The following CRTAC1 variants were observed in gnomAD, a reference collection of about 807,000 sequenced individuals.
CRTAC1 encodes acidic secreted protein in cartilage.
CRTAC1 carries 37 observed loss-of-function variants against 67.8 expected under a neutral mutation model. The observed-to-expected ratio is 0.55, with a 90% CI of 0.42 to 0.72. The LOEUF (loss-of-function observed/expected upper bound fraction) is 0.72. CRTAC1 is among the 30% of genes least tolerant of loss of function. CRTAC1 has a pLI of 0.00. For missense variants in CRTAC1, 780 were observed against 931.6 expected, an observed-to-expected ratio of 0.84 and a Z score of 2.12; for synonymous variants, 348 against 371.0, an observed-to-expected ratio of 0.94 and a Z score of 0.71.
At chr10:97,909,174 G>T (rs1391069423) in intron 5 of CRTAC1, among the ~76,000 whole-genome samples, 1 of 152,148 alleles carries the variant, frequency 6.6e-6, no homozygotes, top group Non-Finnish European at 1.5e-5. Context: ...ACGTCAAGAA[G>T]TCTAACCTTA....
intron 14 of CRTAC1, among the ~76,000 whole-genome samples, chr10:97,879,049 C>T (rs901228556): frequency 3.9e-5 from 6 of 152,154 alleles, no homozygotes; most frequent in Non-Finnish European, 8.8e-5. Flanking sequence ...TTCAGCATTC[C>T]AATCAGTTCT....
rs112962484 is a variant in CRTAC1 at position 97,897,369 on chromosome 10, C to T, written c.1134-378G>A. Among the ~76,000 whole-genome samples, 1,003 of 152,304 alleles carry T rather than the reference C, an allele frequency of 6.6e-3. 17 individuals carry two copies. Among genetic ancestry groups the T allele is most frequent in the African/African-American group, 0.023 (958 of 41,568 alleles). On this transcript the variant is annotated intron_variant, in intron 8 of 14. Coordinates refer to ENST00000370597, the MANE Select transcript of CRTAC1 (RefSeq NM_018058.7). ...ACCCAGGGTTTAACCCCACTCAATG[C>T]TACCTCCTCCATGCCCTCTTGGACC...
intron 2 of CRTAC1, among the ~76,000 whole-genome samples, chr10:97,987,969 CT>C (rs2052011533): frequency 1.3e-5 from 2 of 152,198 alleles, no homozygotes; most frequent in East Asian, 3.9e-4. Context: ...TTGGAACTTT[CT>C]CTCTGGTGGT....
At chr10:97,927,849 GC>G (rs994895391) in intron 3 of CRTAC1, among the ~76,000 whole-genome samples, 3 of 152,168 alleles carry the variant, frequency 2.0e-5, no homozygotes, top group Admixed American at 2.0e-4. Flanking sequence ...AGCGAGCTGT[GC>G]GGGTCGATGG....
At chr10:97,988,829 T>C (rs1003332084) in intron 2 of CRTAC1, among the ~76,000 whole-genome samples, 10 of 152,228 alleles carry the variant, frequency 6.6e-5, no homozygotes, top group African/African-American at 2.4e-4. Flanking sequence ...TTAACTATTG[T>C]GATGGTCAGT....
Position 98,030,468 on chromosome 10 carries a change from GCCATCCTCCCGCTCTCGGCCC to G in CRTAC1, c.-17_4del. The G allele has an allele frequency of 8.0e-7, 1 of 1,249,038 alleles. No individual in the cohort carries two copies. Among genetic ancestry groups the G allele is most frequent in the Non-Finnish European group, 1.0e-6 (1 of 988,862 alleles). The allele number at this position is 1,249,038 out of a possible 1,614,324, so 77.4% of individuals were successfully genotyped here. On this transcript the variant is annotated start_lost and 5_prime_UTR_variant, in exon 1 of 15. Coordinates refer to ENST00000370597, the MANE Select transcript of CRTAC1 (RefSeq NM_018058.7). This position sits in a 1 kb window ranked among gnomAD's most constrained non-coding sequence, Gnocchi z 4.2. ...ACTCACGCCGGGGTCAGCGCTCGGA[GCCATCCTCCCGCTCTCGGCCC>G]CGCCGCCTAGGGGCGTGGGAAGCGG...
chr10:97,930,763 C>T (rs1440816722), intron 3 of CRTAC1, among the ~76,000 whole-genome samples: 8 of 152,106 alleles, frequency 5.3e-5, no homozygotes, highest in Non-Finnish European at 8.8e-5. Context: ...TTCTCTCTAG[C>T]GTGGTGACTG....
chr10:97,927,061 C>G (rs887781333), intron 3 of CRTAC1, among the ~76,000 whole-genome samples: 1 of 152,186 alleles, frequency 6.6e-6, no homozygotes, highest in African/African-American at 2.4e-5. Context: ...GGTGTGGCAG[C>G]TGGGGTTCTG....
At chr10:97,918,572 G>C (rs756815299) in intron 4 of CRTAC1, among the ~76,000 whole-genome samples, 9 of 152,174 alleles carry the variant, frequency 5.9e-5, no homozygotes, top group Non-Finnish European at 1.3e-4. Flanking sequence ...TGTTAAAAAT[G>C]TACTTAAGAC....
chr10:97,977,809 T>C (rs1218563302), intron 2 of CRTAC1, among the ~76,000 whole-genome samples: 1 of 151,998 alleles, frequency 6.6e-6, no homozygotes, highest in Non-Finnish European at 1.5e-5. Context: ...ACCTCACGAG[T>C]GTAAATCAGA....
intron 2 of CRTAC1, among the ~76,000 whole-genome samples, chr10:97,946,933 G>A (rs953596716): frequency 1.3e-5 from 2 of 152,222 alleles, no homozygotes; most frequent in African/African-American, 4.8e-5. Context: ...CCAGAGTCTG[G>A]CCAGAGCTCA....
intron 5 of CRTAC1, among the ~76,000 whole-genome samples, chr10:97,914,387 C>T (rs2050729817): frequency 6.6e-6 from 1 of 152,212 alleles, no homozygotes; most frequent in Non-Finnish European, 1.5e-5. Flanking sequence ...ATTTGCTATA[C>T]TAGGTGGGCA....
chr10:97,968,275 C>G (rs1017963286), intron 2 of CRTAC1, among the ~76,000 whole-genome samples: 9 of 152,162 alleles, frequency 5.9e-5, no homozygotes, highest in Non-Finnish European at 1.3e-4. Flanking sequence ...CAGAGTCTCG[C>G]TCTGTCGCTT....
At chr10:97,917,689 G>T in intron 4 of CRTAC1, 33 bp from the exon 5 acceptor site, 1 of 1,492,970 alleles carries the variant, frequency 6.7e-7, no homozygotes, top group Non-Finnish European at 9.0e-7. Context: ...GGTGAGCAGG[G>T]CCACCTTGGC....
chr10:97,873,894 T>A (rs900136900), intron 14 of CRTAC1, among the ~76,000 whole-genome samples: 1 of 152,202 alleles, frequency 6.6e-6, no homozygotes, highest in African/African-American at 2.4e-5. Context: ...GGGACCCCCA[T>A]TCAGATCTGT....
chr10:97,964,101 C>G (rs1417720394), intron 2 of CRTAC1, among the ~76,000 whole-genome samples: 1 of 152,180 alleles, frequency 6.6e-6, no homozygotes. Flanking sequence ...ACCTGGAGAT[C>G]AGACAACCAC....
intron 1 of CRTAC1, among the ~76,000 whole-genome samples, chr10:98,028,929 G>A (rs1046465244): frequency 1.3e-5 from 2 of 152,078 alleles, no homozygotes; most frequent in East Asian, 1.9e-4. Flanking sequence ...CCTACACACC[G>A]TTTCGACCTT....
At chr10:97,944,545 G>A (rs1343290031) in intron 2 of CRTAC1, among the ~76,000 whole-genome samples, 1 of 152,204 alleles carries the variant, frequency 6.6e-6, no homozygotes, top group African/African-American at 2.4e-5. Context: ...AAGTGAGGGG[G>A]TAAAAAGGTT....
intron 5 of CRTAC1, among the ~76,000 whole-genome samples, chr10:97,915,469 C>G (rs2050745357): frequency 6.6e-6 from 1 of 152,242 alleles, no homozygotes; most frequent in Non-Finnish European, 1.5e-5. Flanking sequence ...GAGTGCACAT[C>G]TGGACATGGC....
Sources: gnomAD v4.1 joint callset for allele counts (sites outside exome capture counted in the v4.1 genomes callset) on GRCh38, gnomAD v4.1.1 for gene constraint, Gnocchi (gnomAD v3.1) non-coding constraint, MANE v1.5 for transcripts, NCBI Gene and HGNC (gene_info 2026-07-23, HGNC 2026-07-21) for gene names.